Variants in POLE2 observed in about 807,000 individuals in gnomAD.
The protein encoded by POLE2 is DNA polymerase epsilon 2, accessory subunit, also known as DNA polymerase epsilon subunit 2.
In POLE2, 56 loss-of-function variants were observed where a neutral mutation model predicts 79.4. The ratio of observed to expected loss-of-function variants is 0.71; its 90% CI spans 0.57 to 0.88. The LOEUF is 0.88. Ranked by LOEUF, POLE2 falls within the 40% of genes least tolerant of loss-of-function variation. POLE2 has a pLI of 0.00. For synonymous variants in POLE2, 212 were observed against 214.0 expected (o/e 0.99, Z 0.08); for missense variants, 598 against 638.9 (o/e 0.94, Z 0.69).
At chr14:49,647,490 C>G (rs1314391251) in intron 17 of POLE2, 130 bp from the exon 18 acceptor site, 2 of 289,744 alleles carry the variant, frequency 6.9e-6, no homozygotes. Context: ...CATGGTCTCA[C>G]TCTCATCACC....
chr14:49,647,416 T>A (rs184955778), intron 17 of POLE2, 56 bp from the exon 18 acceptor site: 8 of 761,456 alleles, frequency 1.1e-5, no homozygotes, highest in Non-Finnish European at 1.6e-5. Flanking sequence ...TTAAAATAAA[T>A]TTTTTTAAAC....
rs377089002 is a variant in POLE2, at chr14:49,655,105, A to G, written c.929-11T>C. On this transcript the variant is annotated splice_polypyrimidine_tract_variant and intron_variant, in intron 11 of 18. Transcript: ENST00000216367. ...GTGCTGGTGAATAACCTAAACAATA[A>G]AAGAGTAAATGAACAATACTTTTCT... 2 of 1,399,030 alleles carry G rather than the reference A, an allele frequency of 1.4e-6. No individual in the cohort carries two copies. Among genetic ancestry groups the G allele is most frequent in the Non-Finnish European group, 9.7e-7 (1 of 1,029,584 alleles). The allele number at this position is 1,399,030 out of a possible 1,614,324, so 86.7% of individuals were successfully genotyped here. A position where few individuals can be genotyped will look rare whatever the true frequency, so the allele number is the denominator to read the frequency against.
Position 49,650,353 on chromosome 14 carries a change from C to G in POLE2, c.1409G>C (p.Arg470Thr), listed in dbSNP as rs2139609142. Residue 470 changes from arginine (R) to threonine (T), a missense_variant, in exon 17 of 19, where the codon AGA (arginine) becomes ACA (threonine). Arg to Thr is a moderately conservative substitution (Grantham distance 71, BLOSUM62 -1). Coordinates refer to ENST00000216367, the MANE Select transcript of POLE2 (RefSeq NM_002692.4). Reference protein sequence around the residue: ...PVYWAYDYALRVYPVPDLLVI... With the variant: ...PVYWAYDYALTVYPVPDLLVI... The stretch of plus-strand genomic sequence containing the variant: ...AAGTAGATCGGGCACAGGATACACT[C>G]TCAAAGCATAGTCATATGCCCAATA... The G allele has an allele frequency of 5.0e-6, 8 of 1,611,000 alleles. No individual in the cohort carries two copies. In the Admixed American group the frequency reaches 1.3e-4, roughly 27 times the overall value.
chr14:49,677,449 A>G (rs1886363664), intron 3 of POLE2: 1 of 465,572 alleles, frequency 2.1e-6, no homozygotes, highest in Non-Finnish European at 3.9e-6. Context: ...TCTTGCTTGG[A>G]GACGAGGGGC....
chr14:49,664,514 G>A, intron 9 of POLE2, 112 bp downstream of exon 9: 1 of 739,312 alleles, frequency 1.4e-6, no homozygotes, highest in South Asian at 1.6e-5. Context: ...CCAAAAATAT[G>A]CTCTTCTAAT....
At chr14:49,650,916 G>C (rs1218558722) in intron 16 of POLE2, among the ~76,000 whole-genome samples, 1 of 152,118 alleles carries the variant, frequency 6.6e-6, no homozygotes, top group African/African-American at 2.4e-5. Context: ...TTGTGATATG[G>C]ACATACTATA....
rs1887313094 is a variant in POLE2, at chr14:49,688,198, C to A, written c.6G>T (p.Ala2=). 8 of 1,530,050 alleles carry A rather than the reference C, an allele frequency of 5.2e-6. No homozygotes were observed. The highest frequency in any genetic ancestry group is 2.4e-5 in the South Asian group (2 of 82,824). 94.8% of individuals were successfully genotyped at this position (1,530,050 alleles called of 1,614,324 possible). Residue 2 remains alanine (A), a synonymous_variant, in exon 1 of 19, where the codon GCG becomes GCT. Transcript: ENST00000216367. The part of the protein sequence containing the change: M[A]PERLRSRALS... ...GCGCCCGGCTCCGCAGCCGCTCCGG[C>A]GCCATATTTGCGATTTGGCGCCACC... is the stretch of plus-strand genomic sequence containing the variant.
At chr14:49,649,899 CA>C (rs1884083008) in intron 17 of POLE2, among the ~76,000 whole-genome samples, 3 of 152,120 alleles carry the variant, frequency 2.0e-5, no homozygotes, top group Admixed American at 2.0e-4. Flanking sequence ...GTGCAATTTC[CA>C]AAAATCAAAA....
At chr14:49,673,102 C>T (rs1328188792) in intron 5 of POLE2, among the ~76,000 whole-genome samples, 1 of 152,138 alleles carries the variant, frequency 6.6e-6, no homozygotes, top group Non-Finnish European at 1.5e-5. Flanking sequence ...CCTTCACATC[C>T]AGACAGTCAC....
At chr14:49,664,524 T>C in intron 9 of POLE2, 102 bp downstream of exon 9, 1 of 789,490 alleles carries the variant, frequency 1.3e-6, no homozygotes, top group Non-Finnish European at 2.2e-6. Context: ...GCTCTTCTAA[T>C]TAATGGTATC....
At chr14:49,686,387 A>G (rs544086225) in intron 1 of POLE2, among the ~76,000 whole-genome samples, 3 of 152,348 alleles carry the variant, frequency 2.0e-5, no homozygotes, top group Non-Finnish European at 4.4e-5. Context: ...GGGACTGAGG[A>G]TAGCCTCCAG....
At chr14:49,657,536 G>A (rs533558847) in intron 10 of POLE2, among the ~76,000 whole-genome samples, 115 of 151,866 alleles carry the variant, frequency 7.6e-4, no homozygotes, top group Non-Finnish European at 1.2e-3. Flanking sequence ...CATCTCCCGG[G>A]TTCAAGCAAT....
rs576045035 is a variant in POLE2, at chr14:49,647,302, A to G, written c.1556T>C (p.Val519Ala). Reference protein sequence around the residue: ...FKVFYPSNKTVEDSKLQGF With the variant: ...FKVFYPSNKTAEDSKLQGF ...CTGTGCACACACTTACCTATCTTCT[A>G]CTGTCTTATTAGAAGGATAAAAAAC... Residue 519 changes from valine (V) to alanine (A), a missense_variant, in exon 18 of 19, where the codon GTA becomes GCA. Physicochemically the swap from Val to Ala is moderately conservative, Grantham distance 64 (BLOSUM62 0). Coordinates refer to ENST00000216367, the MANE Select transcript of POLE2 (RefSeq NM_002692.4). The G allele has an allele frequency of 1.5e-4, 229 of 1,539,252 alleles. 2 individuals carry two copies. The South Asian group carries it at 2.3e-3, about 16-fold the overall frequency.
chr14:49,656,258 G>C (rs1007046046), intron 10 of POLE2, among the ~76,000 whole-genome samples: 1 of 151,474 alleles, frequency 6.6e-6, no homozygotes, highest in Non-Finnish European at 1.5e-5. Context: ...TGGAGGATGA[G>C]ACAGGAGAAT....
At position 49,662,941 on chromosome 14, in the gene POLE2, C is replaced by T. The variant is rs983306640; in HGVS notation, c.755+374G>A. Reference sequence around the variant, plus strand: ...ACTTATATTAAGGAGCTATAAGCTACCTCACATAACTTTCATTCATTGGAA... The same window carrying T: ...ACTTATATTAAGGAGCTATAAGCTATCTCACATAACTTTCATTCATTGGAA... On this transcript the variant is annotated intron_variant, in intron 10 of 18. Coordinates refer to ENST00000216367, the MANE Select transcript of POLE2 (RefSeq NM_002692.4). Among the ~76,000 whole-genome samples the T allele has an allele frequency of 2.0e-5, 3 of 152,258 alleles. No individual in the cohort carries two copies. In the South Asian group the frequency reaches 6.2e-4, roughly 32 times the overall value.
At chr14:49,663,927 T>G (rs1885275496) in intron 9 of POLE2, among the ~76,000 whole-genome samples, 1 of 151,398 alleles carries the variant, frequency 6.6e-6, no homozygotes, top group Non-Finnish European at 1.5e-5. Flanking sequence ...GTCCCAGCTA[T>G]TAGGGAGGCT....
At chr14:49,653,879 A>G in intron 15 of POLE2, 111 bp downstream of exon 15, 1 of 630,926 alleles carries the variant, frequency 1.6e-6, no homozygotes, top group Non-Finnish European at 2.8e-6. Flanking sequence ...AACTCCAAGC[A>G]ACCTGCCTGC....
intron 3 of POLE2, among the ~76,000 whole-genome samples, chr14:49,677,131 T>A (rs1886336947): frequency 6.6e-6 from 1 of 152,190 alleles, no homozygotes; most frequent in African/African-American, 2.4e-5. Context: ...CTGAAGCGAA[T>A]CCTGTGTCAC....
chr14:49,682,640 G>GGAA (rs1373991966), intron 2 of POLE2, among the ~76,000 whole-genome samples: 2 of 60,980 alleles, frequency 3.3e-5, no homozygotes, highest in African/African-American at 1.1e-4. Context: ...CCTTCTCAGG[G>GGAA]AAAAAAAAAA....
Sources: allele counts gnomAD v4.1 joint callset (sites outside exome capture counted in the v4.1 genomes callset), GRCh38; gene constraint gnomAD v4.1.1; transcripts MANE v1.5; gene names NCBI Gene and HGNC (gene_info 2026-07-23, HGNC 2026-07-21).